The following PLCXD3 variants were observed in gnomAD, a reference collection of about 807,000 sequenced individuals.
PLCXD3 encodes PI-PLC X domain-containing protein 3.
In PLCXD3, 19 loss-of-function variants were observed where a neutral mutation model predicts 25.5. That is an observed-to-expected ratio of 0.75 (90% confidence interval 0.52 to 1.09). The LOEUF (loss-of-function observed/expected upper bound fraction) is 1.09. Among genes scored for constraint, PLCXD3 ranks in the 50% least tolerant of loss-of-function variants. The pLI is 0.00. For synonymous variants in PLCXD3, 174 were observed against 137.6 expected (o/e 1.26, Z -1.85); for missense variants, 411 against 388.1 (o/e 1.06, Z -0.50).
At chr5:41,491,520 C>T (rs897526459) in intron 1 of PLCXD3, among the ~76,000 whole-genome samples, 7 of 152,046 alleles carry the variant, frequency 4.6e-5, no homozygotes, top group Admixed American at 3.3e-4. Flanking sequence ...ATCTGTCTAA[C>T]GTCGACAGTG....
chr5:41,474,066 A>C (rs1011231763), intron 1 of PLCXD3, among the ~76,000 whole-genome samples: 6 of 152,194 alleles, frequency 3.9e-5, no homozygotes, highest in African/African-American at 1.4e-4. Flanking sequence ...CATCGTTACG[A>C]GACTGAACAA....
At chr5:41,370,244 T>A (rs1294265531) in intron 2 of PLCXD3, among the ~76,000 whole-genome samples, 6 of 152,202 alleles carry the variant, frequency 3.9e-5, no homozygotes, top group Non-Finnish European at 5.9e-5. Flanking sequence ...TAATTAGCAA[T>A]AGGCTACAAT....
chr5:41,313,879 A>C, intron 2 of PLCXD3, 109 bp from the exon 3 acceptor site: 5 of 1,299,760 alleles, frequency 3.8e-6, no homozygotes, highest in Non-Finnish European at 4.1e-6. Context: ...TAAATGTTTC[A>C]CGTATAGGTA....
At chr5:41,381,798 T>TC (rs1745468243) in intron 2 of PLCXD3, 28 bp downstream of exon 2, 4 of 1,480,798 alleles carry the variant, frequency 2.7e-6, no homozygotes, top group Non-Finnish European at 3.6e-6. Context: ...TATTTGAGGT[T>TC]TCCCCCTGAC....
chr5:41,314,247 G>C (rs1743224584), intron 2 of PLCXD3, among the ~76,000 whole-genome samples: 1 of 152,190 alleles, frequency 6.6e-6, no homozygotes, highest in African/African-American at 2.4e-5. Flanking sequence ...ACAGTTTGGT[G>C]GTGGGTAGGC....
chr5:41,492,180 T>C (rs1259769857), intron 1 of PLCXD3, among the ~76,000 whole-genome samples: 2 of 152,186 alleles, frequency 1.3e-5, no homozygotes, highest in Non-Finnish European at 2.9e-5. Flanking sequence ...ATTTTATTTC[T>C]CCTTCACTTA....
intron 1 of PLCXD3, among the ~76,000 whole-genome samples, chr5:41,423,602 A>T (rs1172808078): frequency 6.6e-6 from 1 of 152,024 alleles, no homozygotes; most frequent in Non-Finnish European, 1.5e-5. Flanking sequence ...GTATCAGATG[A>T]TTATATTATT....
intron 1 of PLCXD3, among the ~76,000 whole-genome samples, chr5:41,497,281 T>G (rs1748863235): frequency 6.6e-6 from 1 of 151,902 alleles, no homozygotes; most frequent in Non-Finnish European, 1.5e-5. Context: ...ATATGTGCTG[T>G]CTACAAGACT....
chr5:41,364,582 A>G (rs918805827), intron 2 of PLCXD3, among the ~76,000 whole-genome samples: 8 of 152,184 alleles, frequency 5.3e-5, no homozygotes, highest in Non-Finnish European at 8.8e-5. Context: ...GAGATGTGCT[A>G]TTCCCACTCT....
chr5:41,489,126 C>G (rs1580398624), intron 1 of PLCXD3, among the ~76,000 whole-genome samples: 1 of 152,008 alleles, frequency 6.6e-6, no homozygotes, highest in Non-Finnish European at 1.5e-5. Context: ...AGGAAGGGAT[C>G]CAGTTTCAGC....
intron 2 of PLCXD3, among the ~76,000 whole-genome samples, chr5:41,338,788 T>C (rs1434188774): frequency 6.6e-6 from 1 of 152,148 alleles, no homozygotes; most frequent in Non-Finnish European, 1.5e-5. Flanking sequence ...AATACCCCCA[T>C]TTACTTTCCT....
intron 1 of PLCXD3, among the ~76,000 whole-genome samples, chr5:41,487,390 C>G (rs996094187): frequency 1.3e-5 from 2 of 152,118 alleles, no homozygotes; most frequent in South Asian, 2.1e-4. Context: ...AGAGCAGAAG[C>G]CTTTGTGCAA....
intron 1 of PLCXD3, among the ~76,000 whole-genome samples, chr5:41,396,518 G>T (rs1038000868): frequency 8.5e-5 from 13 of 152,092 alleles, no homozygotes; most frequent in African/African-American, 2.9e-4. Flanking sequence ...TGTGAGAATG[G>T]ACTAATACAG....
chr5:41,368,398 T>G (rs2150487692), intron 2 of PLCXD3, among the ~76,000 whole-genome samples: 1 of 152,320 alleles, frequency 6.6e-6, no homozygotes, highest in East Asian at 1.9e-4. Context: ...ATCCTGAGAC[T>G]CTGGTGAAGT....
chr5:41,328,948 A>G (rs2150472993), intron 2 of PLCXD3, among the ~76,000 whole-genome samples: 1 of 152,310 alleles, frequency 6.6e-6, no homozygotes, highest in East Asian at 1.9e-4. Context: ...CAGTGCTTTT[A>G]GAACAAAGGT....
intron 1 of PLCXD3, among the ~76,000 whole-genome samples, chr5:41,391,793 ACATGCC>A (rs1745832898): frequency 6.6e-6 from 1 of 152,126 alleles, no homozygotes; most frequent in South Asian, 2.1e-4. Flanking sequence ...GCATTTATGG[ACATGCC>A]CTGGATCAAA....
intron 2 of PLCXD3, among the ~76,000 whole-genome samples, chr5:41,346,146 G>GC (rs1744297551): frequency 6.6e-6 from 1 of 152,198 alleles, no homozygotes; most frequent in Non-Finnish European, 1.5e-5. Flanking sequence ...CTCCCGAAGT[G>GC]CTGGGATTAC....
chr5:41,463,089 T>C (rs1333619489), intron 1 of PLCXD3, among the ~76,000 whole-genome samples: 1 of 152,108 alleles, frequency 6.6e-6, no homozygotes, highest in Non-Finnish European at 1.5e-5. Context: ...TGTAGGACTC[T>C]GAGCAAATTA....
intron 1 of PLCXD3, among the ~76,000 whole-genome samples, chr5:41,386,539 G>A (rs1376786448): frequency 6.6e-6 from 1 of 152,020 alleles, no homozygotes; most frequent in Non-Finnish European, 1.5e-5. Context: ...TTGTGACTAT[G>A]TCACATTATA....
Sources: gnomAD v4.1 joint callset for allele counts (sites outside exome capture counted in the v4.1 genomes callset) on GRCh38, gnomAD v4.1.1 for gene constraint, MANE v1.5 for transcripts, NCBI Gene and HGNC (gene_info 2026-07-23, HGNC 2026-07-21) for gene names.